EIF3E: variants seen among roughly 807,000 people sequenced by gnomAD.
The protein encoded by EIF3E is eIF-3 p48.
A neutral mutation model predicts 59.3 loss-of-function variants in EIF3E; 25 were observed. The ratio of observed to expected loss-of-function variants is 0.42; its 90% confidence interval spans 0.31 to 0.59. The LOEUF (loss-of-function observed/expected upper bound fraction) is 0.59, where lower values mean the gene tolerates loss of function less well. EIF3E is among the 20% of genes least tolerant of loss of function. EIF3E has a pLI of 0.15. For missense variants in EIF3E, 317 were observed against 534.3 expected (o/e 0.59, Z 4.01); for synonymous variants, 176 against 170.2 (o/e 1.03, Z -0.26).
intron 5 of EIF3E, among the ~76,000 whole-genome samples, chr8:108,233,139 T>C (rs549617118): frequency 1.3e-5 from 2 of 152,352 alleles, no homozygotes; most frequent in Admixed American, 6.5e-5. Flanking sequence ...TTACCTTCAA[T>C]GCACTTGCAA....
intron 5 of EIF3E, among the ~76,000 whole-genome samples, chr8:108,230,492 T>C (rs890223358): frequency 6.6e-6 from 1 of 151,844 alleles, no homozygotes; most frequent in Non-Finnish European, 1.5e-5. Flanking sequence ...TATTTATCTA[T>C]ATGTAAATGT....
chr8:108,207,656 G>A (rs1366323110), intron 10 of EIF3E, among the ~76,000 whole-genome samples: 1 of 152,118 alleles, frequency 6.6e-6, no homozygotes, highest in African/African-American at 2.4e-5. Context: ...GGCAGCTTAA[G>A]GTAGATACTT....
intron 10 of EIF3E, among the ~76,000 whole-genome samples, chr8:108,213,256 T>C (rs1426508355): frequency 6.6e-6 from 1 of 152,178 alleles, no homozygotes; most frequent in Non-Finnish European, 1.5e-5. Flanking sequence ...ATCTTATTGA[T>C]AGTACCTCGG....
intron 7 of EIF3E, among the ~76,000 whole-genome samples, chr8:108,220,096 T>C (rs1815380768): frequency 6.6e-6 from 1 of 151,016 alleles, no homozygotes; most frequent in South Asian, 2.1e-4. Flanking sequence ...TGAGCTGAGA[T>C]GGTGCCACTG....
intron 7 of EIF3E, among the ~76,000 whole-genome samples, chr8:108,219,429 T>C (rs1554599336): frequency 6.6e-6 from 1 of 152,202 alleles, no homozygotes; most frequent in Non-Finnish European, 1.5e-5. Context: ...ATTTCCAAAA[T>C]ATAGGTCTGC....
At chr8:108,205,441 AATCTATCTTACAC>A (rs1279280988) in intron 10 of EIF3E, among the ~76,000 whole-genome samples, 4 of 152,270 alleles carry the variant, frequency 2.6e-5, no homozygotes, top group Admixed American at 2.6e-4. Context: ...GAGTCTCTAC[AATCTATCTTACAC>A]ATCTGCCAGG....
chr8:108,236,157 TTAC>T lies in EIF3E; in HGVS notation c.366+1_366+3del. On this transcript the variant is annotated splice_donor_variant and splice_donor_region_variant and intron_variant, in intron 4 of 12. Transcript: ENST00000220849. LOFTEE classifies it high-confidence loss of function. ...CAACTTTAAAATATTTTTAAAACACTTACACCATGCTTGTCCGCCAGGTAGTCA... is the reference window on the plus strand; with the variant it reads ...CAACTTTAAAATATTTTTAAAACACTACCATGCTTGTCCGCCAGGTAGTCA... The T allele has an allele frequency of 6.2e-7, 1 of 1,609,720 alleles. No homozygotes were observed. Among genetic ancestry groups the T allele is most frequent in the Non-Finnish European group, 8.5e-7 (1 of 1,178,116 alleles).
intron 2 of EIF3E, 74 bp from the exon 3 acceptor site, chr8:108,240,149 G>C: frequency 8.1e-7 from 1 of 1,235,904 alleles, no homozygotes; most frequent in South Asian, 1.2e-5. Context: ...AGAATGTCTG[G>C]AAATTTTTCA....
At chr8:108,242,136 T>G in intron 1 of EIF3E, 251 of 1,355,304 alleles carry the variant, frequency 1.9e-4, no homozygotes, top group East Asian at 7.9e-4. Context: ...ATGAAGAGAA[T>G]TACTGTAGAC....
intron 12 of EIF3E, among the ~76,000 whole-genome samples, chr8:108,202,147 G>C (rs1023898117): frequency 9.9e-5 from 15 of 151,474 alleles, no homozygotes; most frequent in African/African-American, 3.2e-4. Context: ...AAAATATATA[G>C]CAATAACAGT....
intron 5 of EIF3E, chr8:108,233,481 T>C (rs1262970929): frequency 6.5e-6 from 1 of 154,166 alleles, no homozygotes; most frequent in Non-Finnish European, 1.5e-5. Flanking sequence ...AACAAACTCT[T>C]CCAAGGTTGG....
chr8:108,237,864 T>C (rs941449356), intron 3 of EIF3E, among the ~76,000 whole-genome samples: 11 of 152,202 alleles, frequency 7.2e-5, no homozygotes, highest in Non-Finnish European at 7.3e-5. Flanking sequence ...TACGATACTA[T>C]ATATTCAATG....
chr8:108,213,356 T>C (rs1815245230), intron 10 of EIF3E, among the ~76,000 whole-genome samples: 1 of 152,194 alleles, frequency 6.6e-6, no homozygotes. Context: ...AATATTTATA[T>C]TGTATACTCA....
At position 108,236,266 on chromosome 8, in the gene EIF3E, C is replaced by T. The variant is rs933560284; in HGVS notation, c.324-63G>A. On this transcript the variant is annotated intron_variant, in intron 3 of 12. Coordinates refer to ENST00000220849, the MANE Select transcript of EIF3E (RefSeq NM_001568.3). ...GCCACAGAAAACAAAATAAGCATAT[C>T]CAACTTCTAAGTTATTACCTACGCA... is the stretch of plus-strand genomic sequence containing the variant. 3.0e-6 allele frequency: 4 copies of T among 1,335,854 alleles called. No homozygotes were observed. In the African/African-American group the frequency reaches 5.9e-5, roughly 20 times the overall value. 82.8% of individuals were successfully genotyped at this position (1,335,854 alleles called of 1,614,324 possible).
chr8:108,203,894 A>G (rs918058116), intron 10 of EIF3E, among the ~76,000 whole-genome samples: 2 of 152,106 alleles, frequency 1.3e-5, no homozygotes, highest in African/African-American at 4.8e-5. Flanking sequence ...ACATCCTCAG[A>G]TTCAACAAAC....
At chr8:108,237,173 TA>T (rs1426712286) in intron 3 of EIF3E, among the ~76,000 whole-genome samples, 9 of 152,152 alleles carry the variant, frequency 5.9e-5, no homozygotes, top group Admixed American at 5.9e-4. Flanking sequence ...GACAGACTAG[TA>T]AAAGACAAAC....
chr8:108,218,418 T>C (rs1815343433), intron 7 of EIF3E, among the ~76,000 whole-genome samples: 1 of 152,200 alleles, frequency 6.6e-6, no homozygotes, highest in Admixed American at 6.5e-5. Flanking sequence ...AGTAAATCTG[T>C]ATTTTATTAT....
chr8:108,236,853 CTCTACTAAAAA>C (rs1815741398), intron 3 of EIF3E, among the ~76,000 whole-genome samples: 1 of 151,950 alleles, frequency 6.6e-6, no homozygotes, highest in African/African-American at 2.4e-5. Flanking sequence ...GAGACCCAGT[CTCTACTAAAAA>C]TACAAAAATT....
chr8:108,233,012 G>A (rs1057011641), intron 5 of EIF3E, among the ~76,000 whole-genome samples: 3 of 152,128 alleles, frequency 2.0e-5, no homozygotes, highest in African/African-American at 7.2e-5. Flanking sequence ...TACAATCCGG[G>A]TTTAAGCTGT....
Sources: gnomAD v4.1 joint callset for allele counts (sites outside exome capture counted in the v4.1 genomes callset) on GRCh38, gnomAD v4.1.1 for gene constraint, MANE v1.5 for transcripts, NCBI Gene and HGNC (gene_info 2026-07-23, HGNC 2026-07-21) for gene names.